The following PEPD variants were observed in gnomAD, a reference collection of about 807,000 sequenced individuals.
The protein encoded by PEPD is peptidase D.
A neutral mutation model predicts 60.7 loss-of-function variants in PEPD; 53 were observed. The observed-to-expected ratio is 0.87, with a 90% CI of 0.70 to 1.10. PEPD has a LOEUF of 1.10. Among genes scored for constraint, PEPD ranks in the 50% least tolerant of loss-of-function variants. The pLI, the probability that PEPD is intolerant of heterozygous loss-of-function variation, is 0.00. For synonymous variants in PEPD, 267 were observed against 284.1 expected, an observed-to-expected ratio of 0.94 and a Z score of 0.60; for missense variants, 711 against 711.9, an observed-to-expected ratio of 1.00 and a Z score of 0.01.
intron 12 of PEPD, among the ~76,000 whole-genome samples, chr19:33,400,993 G>A: frequency 6.6e-6 from 1 of 152,164 alleles, no homozygotes; most frequent in East Asian, 1.9e-4. Flanking sequence ...CTCCCCTCCA[G>A]GGGACCTCCT....
chr19:33,419,691 A>G (rs1390548607), intron 9 of PEPD, among the ~76,000 whole-genome samples: 1 of 152,234 alleles, frequency 6.6e-6, no homozygotes, highest in Non-Finnish European at 1.5e-5. Flanking sequence ...TCAACTCCAT[A>G]AACACTGGCA....
At chr19:33,468,130 G>A (rs530262862) in intron 7 of PEPD, among the ~76,000 whole-genome samples, 1 of 152,168 alleles carries the variant, frequency 6.6e-6, no homozygotes, top group Non-Finnish European at 1.5e-5. Flanking sequence ...GTAATACTGA[G>A]AGACCTGGAG....
chr19:33,483,327 T>C (rs181182015), intron 6 of PEPD, among the ~76,000 whole-genome samples: 6 of 152,158 alleles, frequency 3.9e-5, no homozygotes, highest in African/African-American at 1.4e-4. Context: ...AGCCAAAAGC[T>C]GCTCTTCGAT....
chr19:33,426,537 A>G (rs1021286019), intron 9 of PEPD, among the ~76,000 whole-genome samples: 4 of 152,148 alleles, frequency 2.6e-5, no homozygotes, highest in East Asian at 1.9e-4. Flanking sequence ...TTCCCTCCCT[A>G]TCGTCCTCTG....
intron 14 of PEPD, 76 bp downstream of exon 14, chr19:33,387,814 T>C: frequency 4.0e-6 from 5 of 1,243,956 alleles, no homozygotes; most frequent in Non-Finnish European, 5.8e-6. Context: ...GCCCCTGTCT[T>C]GGGACTAAGG....
At chr19:33,391,998 C>T (rs1331733581) in intron 12 of PEPD, among the ~76,000 whole-genome samples, 3 of 152,220 alleles carry the variant, frequency 2.0e-5, no homozygotes, top group Non-Finnish European at 4.4e-5. Flanking sequence ...AAAGAGGGGT[C>T]CCTGCACATC....
chr19:33,444,593 C>T (rs1422387694), intron 9 of PEPD, among the ~76,000 whole-genome samples: 1 of 149,710 alleles, frequency 6.7e-6, no homozygotes, highest in African/African-American at 2.5e-5. Flanking sequence ...CACCTCCAAA[C>T]TCACCCTCCA....
At chr19:33,390,950 G>T (rs989914380) in intron 13 of PEPD, among the ~76,000 whole-genome samples, 1 of 152,154 alleles carries the variant, frequency 6.6e-6, no homozygotes. Context: ...GGGGTGCCAC[G>T]TAGCTCCATC....
At chr19:33,483,487 C>T (rs915904663) in intron 6 of PEPD, among the ~76,000 whole-genome samples, 9 of 152,096 alleles carry the variant, frequency 5.9e-5, no homozygotes, top group African/African-American at 1.2e-4. Flanking sequence ...AGAGAAGCCT[C>T]GGCAAGACTT....
chr19:33,480,718 C>T (rs540180223), intron 6 of PEPD, among the ~76,000 whole-genome samples: 2 of 152,168 alleles, frequency 1.3e-5, no homozygotes, highest in East Asian at 1.9e-4. Flanking sequence ...TCGCTTGAAC[C>T]GAGGAGGCGG....
intron 5 of PEPD, 90 bp downstream of exon 5, chr19:33,493,199 CT>C: frequency 2.2e-6 from 2 of 921,316 alleles, no homozygotes; most frequent in Non-Finnish European, 3.5e-6. Flanking sequence ...TAATCCTCCC[CT>C]ATGGGCCCGA....
At chr19:33,401,994 CAAT>C in intron 11 of PEPD, 125 bp from the exon 12 acceptor site, 1 of 868,086 alleles carries the variant, frequency 1.2e-6, no homozygotes, top group South Asian at 1.4e-5. Flanking sequence ...CTCCCCCTCA[CAAT>C]GAGACCGGTG....
chr19:33,413,543 C>G, intron 10 of PEPD, 32 bp downstream of exon 10: 1 of 1,358,602 alleles, frequency 7.4e-7, no homozygotes, highest in Non-Finnish European at 1.0e-6. Context: ...TCCCACTGGT[C>G]ACCCCCAGGG....
At position 33,393,313 on chromosome 19, in the gene PEPD, G is replaced by C. The variant is rs576544668; in HGVS notation, c.968-1834C>G. Among the ~76,000 whole-genome samples, 24 of 151,742 alleles carry C rather than the reference G, an allele frequency of 1.6e-4. 4 individuals are homozygous for C. Among genetic ancestry groups the C allele is most frequent in the African/African-American group, 5.6e-4 (23 of 41,246 alleles). ...TGGGGGAGAGCCCGGGGTCTGGCGT[G>C]GGGGAGAGCCCGGGCAGACCTGGGG... On this transcript the variant is annotated intron_variant, in intron 12 of 14. Transcript: ENST00000244137.
chr19:33,411,935 G>A (rs922180814), intron 10 of PEPD, among the ~76,000 whole-genome samples, 186 bp from the exon 11 acceptor site: 6 of 152,218 alleles, frequency 3.9e-5, no homozygotes, highest in East Asian at 1.9e-4. Flanking sequence ...CTGTCACCCC[G>A]CAGTCACATG....
At chr19:33,458,952 C>G (rs990209138) in intron 9 of PEPD, among the ~76,000 whole-genome samples, 1 of 150,318 alleles carries the variant, frequency 6.7e-6, no homozygotes, top group Non-Finnish European at 1.5e-5. Flanking sequence ...CATCTGTACT[C>G]GAGGGGCGCT....
intron 9 of PEPD, among the ~76,000 whole-genome samples, chr19:33,418,743 C>T (rs1441778464): frequency 1.3e-5 from 2 of 152,130 alleles, no homozygotes; most frequent in Non-Finnish European, 2.9e-5. Context: ...CTGCTGCGTG[C>T]CTCCCCTTCC....
chr19:33,471,409 G>A (rs534374736), intron 7 of PEPD, among the ~76,000 whole-genome samples: 24 of 152,250 alleles, frequency 1.6e-4, no homozygotes, highest in African/African-American at 5.3e-4. Context: ...CCAGCATTCC[G>A]CGCAGTTTCT....
At chr19:33,513,816 C>A (rs1970972863) in intron 1 of PEPD, among the ~76,000 whole-genome samples, 1 of 131,698 alleles carries the variant, frequency 7.6e-6, no homozygotes, top group Non-Finnish European at 1.7e-5. Context: ...CCAGCCTTTG[C>A]CGCTGCGGCG....
Sources: allele counts gnomAD v4.1 joint callset (sites outside exome capture counted in the v4.1 genomes callset), GRCh38; gene constraint gnomAD v4.1.1; transcripts MANE v1.5; gene names NCBI Gene and HGNC (gene_info 2026-07-23, HGNC 2026-07-21).